The following RSF1 variants were observed in gnomAD, a reference collection of about 807,000 sequenced individuals.
RSF1 encodes HBV pX-associated protein 8.
Under a neutral mutation model 145.2 loss-of-function variants are expected in RSF1, and 13 were observed. The ratio of observed to expected loss-of-function variants is 0.09; its 90% CI spans 0.06 to 0.14. The LOEUF (loss-of-function observed/expected upper bound fraction) is 0.14, where lower values mean the gene tolerates loss of function less well. Among genes scored for constraint, RSF1 ranks in the 10% least tolerant of loss-of-function variants. RSF1 has a pLI of 1.00. For missense variants in RSF1, 1,517 were observed against 1,718.2 expected, an observed-to-expected ratio of 0.88 and a Z score of 2.07; for synonymous variants, 577 against 592.6, an observed-to-expected ratio of 0.97 and a Z score of 0.38.
intron 1 of RSF1, among the ~76,000 whole-genome samples, chr11:77,777,246 A>G (rs1948351796): frequency 6.6e-6 from 1 of 152,192 alleles, no homozygotes; most frequent in Non-Finnish European, 1.5e-5. Context: ...CCATTATGAT[A>G]TTAACTATAA....
chr11:77,718,428 T>C (rs1276721584), intron 5 of RSF1: 1 of 152,242 alleles, frequency 6.6e-6, no homozygotes, highest in Non-Finnish European at 1.5e-5. Flanking sequence ...CCCCTCCCAA[T>C]TTCTTCCTCA....
intron 2 of RSF1, among the ~76,000 whole-genome samples, chr11:77,750,299 C>T (rs1044037400): frequency 6.6e-6 from 1 of 152,168 alleles, no homozygotes; most frequent in Admixed American, 6.5e-5. Flanking sequence ...ATAATTTAGG[C>T]ACTATAGGCC....
At chr11:77,709,022 C>A (rs1341298501) in intron 5 of RSF1, among the ~76,000 whole-genome samples, 1 of 152,156 alleles carries the variant, frequency 6.6e-6, no homozygotes, top group Non-Finnish European at 1.5e-5. Context: ...GTGGCACAGG[C>A]CAGATTTGGA....
chr11:77,778,355 G>C (rs1948369944), intron 1 of RSF1, among the ~76,000 whole-genome samples: 1 of 151,780 alleles, frequency 6.6e-6, no homozygotes, highest in African/African-American at 2.4e-5. Flanking sequence ...TGGGTCCCTT[G>C]AAAACTCATA....
chr11:77,734,657 C>T (rs943682191), intron 4 of RSF1: 2 of 1,437,986 alleles, frequency 1.4e-6, no homozygotes, highest in African/African-American at 2.8e-5. Flanking sequence ...TCATTTTTGT[C>T]AGTGGCCAAT....
chr11:77,820,851 G>C (rs145506885), upstream of RSF1: 8 of 880,520 alleles, frequency 9.1e-6, no homozygotes, highest in Non-Finnish European at 1.4e-5. Context: ...TCTCAGGGAC[G>C]GCTCCGCGAT....
At chr11:77,854,898 C>T in the RSF1 span, among the ~76,000 whole-genome samples, 2 of 152,350 alleles carry the variant, frequency 1.3e-5, no homozygotes, top group African/African-American at 4.8e-5. Flanking sequence ...TCTGCCTGGA[C>T]ATCAGGCATT....
chr11:77,694,870 T>C (rs1960243939), intron 7 of RSF1, among the ~76,000 whole-genome samples: 1 of 152,210 alleles, frequency 6.6e-6, no homozygotes. Flanking sequence ...ATTAGTCAGA[T>C]ATTTTTGGTA....
chr11:77,671,070 C>T (rs1304460081), intron 15 of RSF1, among the ~76,000 whole-genome samples: 2 of 120,552 alleles, frequency 1.7e-5, no homozygotes, highest in Non-Finnish European at 3.3e-5. Context: ...CACACCACTG[C>T]ACTCCAGCCT....
chr11:77,868,984 C>T, the RSF1 span: 6 of 299,344 alleles, frequency 2.0e-5, no homozygotes, highest in Middle Eastern at 9.2e-4. Context: ...GCCAACAGCA[C>T]GTTGGGTAAT....
Position 77,724,659 on chromosome 11 carries a change from T to C in RSF1, c.733+886A>G, listed in dbSNP as rs141965857. ...TTCTATAGGAGGTGGGCTGGGGGGA[T>C]GGTTTTGGGATGAAACTGTTCCACC... On this transcript the variant is annotated intron_variant, in intron 5 of 15. Transcript: ENST00000308488. Among the ~76,000 whole-genome samples the C allele has an allele frequency of 3.0e-3, 459 of 152,162 alleles. 2 individuals carry two copies. Among genetic ancestry groups the C allele is most frequent in the African/African-American group, 0.011 (441 of 41,524 alleles).
chr11:77,710,807 C>A (rs1960660492), intron 5 of RSF1, among the ~76,000 whole-genome samples: 1 of 152,160 alleles, frequency 6.6e-6, no homozygotes, highest in East Asian at 1.9e-4. Flanking sequence ...GTACTTTACT[C>A]ATTTACTATC....
At chr11:77,694,899 G>A (rs1430006943) in intron 7 of RSF1, among the ~76,000 whole-genome samples, 1 of 152,160 alleles carries the variant, frequency 6.6e-6, no homozygotes, top group African/African-American at 2.4e-5. Context: ...TGAAATTTGA[G>A]TTTGTTTGAT....
rs987342886 is a variant in RSF1 at position 77,702,004 on chromosome 11, G to A, written c.1225C>T (p.Pro409Ser). 6.2e-7 allele frequency: 1 copy of A among 1,613,862 alleles called. No homozygotes were observed. Among genetic ancestry groups the A allele is most frequent in the Non-Finnish European group, 8.5e-7 (1 of 1,179,942 alleles). ...TCATCTTTCAAAAACTCTTTTGTTG[G>A]AGTAACTGATTTACACAAAGGTCCC... The part of the protein sequence containing the change: ...VKGPLCKSVT[P>S]TKEFLKDEIK... The change falls in exon 6 of 16, where the codon CCA becomes TCA. Residue 409 changes from proline (P) to serine (S), a missense_variant. Pro to Ser is a moderately conservative substitution (Grantham distance 74). Coordinates refer to ENST00000308488, the MANE Select transcript of RSF1 (RefSeq NM_016578.4).
chr11:77,677,029 A>G, intron 12 of RSF1, 30 bp from the exon 13 acceptor site: 3 of 1,539,236 alleles, frequency 1.9e-6, no homozygotes, highest in Non-Finnish European at 2.7e-6. Context: ...GTTCGGGGAG[A>G]GAAAAATATG....
chr11:77,672,764 ACTCC>A (rs1309652153), intron 14 of RSF1, among the ~76,000 whole-genome samples: 1 of 151,728 alleles, frequency 6.6e-6, no homozygotes, highest in African/African-American at 2.4e-5. Flanking sequence ...CTCACTGCAA[ACTCC>A]ACTTCCCGGG....
chr11:77,750,081 T>G (rs571743654), intron 2 of RSF1, among the ~76,000 whole-genome samples: 1 of 151,956 alleles, frequency 6.6e-6, no homozygotes, highest in South Asian at 2.1e-4. Flanking sequence ...TTAGACATAC[T>G]GCTGTGCCAT....
At chr11:77,833,007 A>T in the RSF1 span, among the ~76,000 whole-genome samples, 216 of 51,944 alleles carry the variant, frequency 4.2e-3, 22 homozygotes, top group African/African-American at 0.011. Context: ...GTATATATAT[A>T]TATTTTTTTT....
At chr11:77,693,444 T>C in intron 8 of RSF1, 63 bp downstream of exon 8, 1 of 1,008,770 alleles carries the variant, frequency 9.9e-7, no homozygotes, top group East Asian at 2.4e-5. Context: ...TCAGTAGCTA[T>C]TAAACAGTTA....
Sources: allele counts gnomAD v4.1 joint callset (sites outside exome capture counted in the v4.1 genomes callset), GRCh38; gene constraint gnomAD v4.1.1; transcripts MANE v1.5; gene names NCBI Gene and HGNC (gene_info 2026-07-23, HGNC 2026-07-21).